The following DSE variants were observed in gnomAD, a reference collection of about 807,000 sequenced individuals.
DSE encodes the protein dermatan-sulfate epimerase.
In DSE, 36 loss-of-function variants were observed where a neutral mutation model predicts 84.4. That is an observed-to-expected ratio of 0.43 (90% confidence interval 0.33 to 0.56). DSE has a LOEUF of 0.56. DSE is among the 20% of genes least tolerant of loss of function. The probability of loss-of-function intolerance (pLI) is 0.06; values close to 1 mark genes in which losing one functional copy is unlikely to be tolerated. For missense variants in DSE, 862 were observed against 1,169.6 expected, an observed-to-expected ratio of 0.74 and a Z score of 3.84; for synonymous variants, 410 against 430.1, an observed-to-expected ratio of 0.95 and a Z score of 0.58.
At chr6:116,323,738 A>G (rs1427003735) in intron 2 of DSE, among the ~76,000 whole-genome samples, 3 of 152,222 alleles carry the variant, frequency 2.0e-5, no homozygotes, top group African/African-American at 7.2e-5. Flanking sequence ...TTTCAGGTAT[A>G]AAATATACAC....
At position 116,426,624 on chromosome 6, in the gene DSE, TTGGTTTTGCCAC is replaced by T; in HGVS notation, c.470_481del (p.Gly157_Thr160del). 6.2e-7 allele frequency: 1 copy of T among 1,613,988 alleles called. No homozygotes were observed. Among genetic ancestry groups the T allele is most frequent in the Non-Finnish European group, 8.5e-7 (1 of 1,179,880 alleles). On this transcript the variant is annotated inframe_deletion, in exon 3 of 6. Transcript: ENST00000644252. ...GAGGTCCCGCTTGCTCACTCCCTGGTTGGTTTTGCCACTGCTTATGACTTCTTGTACAACTAC... is the reference window on the plus strand; with the variant it reads ...GAGGTCCCGCTTGCTCACTCCCTGGTTGCTTATGACTTCTTGTACAACTAC...
chr6:116,308,274 G>A (rs1170526661), intron 2 of DSE, among the ~76,000 whole-genome samples: 2 of 152,190 alleles, frequency 1.3e-5, no homozygotes, highest in African/African-American at 4.8e-5. Flanking sequence ...GTAAGCATTA[G>A]ACTCAGAAAT....
At chr6:116,270,999 A>C (rs1299143338) in intron 2 of DSE, among the ~76,000 whole-genome samples, 1 of 152,232 alleles carries the variant, frequency 6.6e-6, no homozygotes, top group African/African-American at 2.4e-5. Flanking sequence ...TAATTTGTTG[A>C]GATTGTGAAG....
chr6:116,283,556 G>GTTGTTGTTGTTGTTT (rs1356384807), intron 2 of DSE, among the ~76,000 whole-genome samples: 1 of 150,828 alleles, frequency 6.6e-6, no homozygotes, highest in African/African-American at 2.5e-5. Flanking sequence ...TGTTGTTGTT[G>GTTGTTGTTGTTGTTT]TTGTTGTTAT....
At chr6:116,394,913 T>C (rs1457940082) in intron 1 of DSE, among the ~76,000 whole-genome samples, 2 of 152,348 alleles carry the variant, frequency 1.3e-5, no homozygotes, top group African/African-American at 2.4e-5. Context: ...GCTGGTAATT[T>C]TGCCATGTTG....
upstream of DSE, chr6:116,370,826 T>C (rs2114912630): frequency 1.0e-6 from 1 of 985,438 alleles, no homozygotes; most frequent in Non-Finnish European, 1.2e-6. Context: ...CTCATCCTCG[T>C]CTCCTCTGGC....
Position 116,328,147 on chromosome 6 carries a change from C to T in DSE, c.-54+69180C>T, listed in dbSNP as rs530138945. Among the ~76,000 whole-genome samples the T allele has an allele frequency of 5.0e-4, 76 of 152,272 alleles. 2 individuals are homozygous for T. The South Asian group carries it at 9.1e-3, about 18-fold the overall frequency. On this transcript the variant is annotated intron_variant, in intron 2 of 3. Coordinates refer to the DSE transcript ENST00000430252. ...TTTATTTTGTGATTATTAAGAAAGA[C>T]GTAGTTTAGTTCCTTCAACCAAATT...
chr6:116,425,416 A>T (rs1436565140), intron 2 of DSE, among the ~76,000 whole-genome samples: 1 of 152,040 alleles, frequency 6.6e-6, no homozygotes, highest in East Asian at 1.9e-4. Flanking sequence ...TCACTTGGAG[A>T]TTACTCAAAT....
rs536412602 is a variant in DSE at position 116,422,933 on chromosome 6, C to T, written c.417-3641C>T. Reference sequence around the variant, plus strand: ...GGGCCTTACTTTGAGAACAGCTGCTCTAAGGGGTGAAACTGTAGTTTACAA... The same window carrying T: ...GGGCCTTACTTTGAGAACAGCTGCTTTAAGGGGTGAAACTGTAGTTTACAA... On this transcript the variant is annotated intron_variant, in intron 2 of 5. Transcript: ENST00000644252. Among the ~76,000 whole-genome samples the T allele has an allele frequency of 2.4e-4, 37 of 152,308 alleles. No individual in the cohort carries two copies. The East Asian group carries it at 5.8e-3, about 24-fold the overall frequency.
chr6:116,361,976 A>G (rs1429188082), intron 2 of DSE, among the ~76,000 whole-genome samples: 1 of 152,218 alleles, frequency 6.6e-6, no homozygotes, highest in Non-Finnish European at 1.5e-5. Context: ...TGTATTATAT[A>G]CATATTTTGT....
Position 116,375,459 on chromosome 6 carries a change from A to G in DSE, c.-54+4338A>G, listed in dbSNP as rs1275764561. 9 of 864,486 alleles carry G rather than the reference A, an allele frequency of 1.0e-5. No individual in the cohort carries two copies. In the Admixed American group the frequency reaches 5.0e-4, roughly 48 times the overall value. 53.6% of individuals were successfully genotyped at this position (864,486 alleles called of 1,614,324 possible). ...TTCGAGGCTGCAGTGAGCTATGGTC[A>G]CACCACTGCACTCCAGCCTGGGCGA... On this transcript the variant is annotated intron_variant, in intron 1 of 5. Transcript: ENST00000644252.
intron 2 of DSE, among the ~76,000 whole-genome samples, chr6:116,316,826 C>CTACTAGTATTATTATTAT (rs59889768): frequency 6.9e-6 from 1 of 145,848 alleles, no homozygotes; most frequent in African/African-American, 2.6e-5. Flanking sequence ...ACTACTACTA[C>CTACTAGTATTATTATTAT]TATTATTATT....
intron 2 of DSE, among the ~76,000 whole-genome samples, chr6:116,319,360 T>G (rs146226107): frequency 1.7e-3 from 253 of 152,346 alleles, no homozygotes; most frequent in African/African-American, 5.7e-3. Flanking sequence ...GTTTTTGTAG[T>G]TATTCAGGGA....
intron 1 of DSE, among the ~76,000 whole-genome samples, chr6:116,395,423 T>TA (rs1327842439): frequency 2.0e-5 from 3 of 151,872 alleles, no homozygotes; most frequent in Non-Finnish European, 4.4e-5. Flanking sequence ...AGACTCCGTC[T>TA]AAAAAATAAA....
intron 2 of DSE, chr6:116,278,861 AGAACTT>A: frequency 6.2e-7 from 1 of 1,614,192 alleles, no homozygotes; most frequent in Non-Finnish European, 8.5e-7. Flanking sequence ...CTTCTAAAGA[AGAACTT>A]GAACTTGCAA....
chr6:116,284,686 T>A (rs1436759038), intron 2 of DSE, among the ~76,000 whole-genome samples: 1 of 106,628 alleles, frequency 9.4e-6, no homozygotes, highest in Non-Finnish European at 1.8e-5. Context: ...AACCTCATGA[T>A]AGGCCCCGGT....
chr6:116,319,217 A>G (rs1776159086), intron 2 of DSE, among the ~76,000 whole-genome samples: 1 of 152,352 alleles, frequency 6.6e-6, no homozygotes, highest in Non-Finnish European at 1.5e-5. Context: ...ATTAGTTAAC[A>G]TACACCCTTG....
intron 2 of DSE, among the ~76,000 whole-genome samples, chr6:116,291,201 A>G (rs1740837902): frequency 6.6e-6 from 1 of 152,142 alleles, no homozygotes; most frequent in African/African-American, 2.4e-5. Context: ...TGAAACAAAC[A>G]ATTATAATAC....
At chr6:116,345,830 G>C (rs1777925200) in intron 2 of DSE, among the ~76,000 whole-genome samples, 1 of 152,106 alleles carries the variant, frequency 6.6e-6, no homozygotes, top group African/African-American at 2.4e-5. Context: ...GAATCCAGGA[G>C]CAGGTTTTTC....
Sources: allele counts gnomAD v4.1 joint callset (sites outside exome capture counted in the v4.1 genomes callset), GRCh38; gene constraint gnomAD v4.1.1; transcripts MANE v1.5; gene names NCBI Gene and HGNC (gene_info 2026-07-23, HGNC 2026-07-21).